NRG1: variants seen among roughly 807,000 people sequenced by gnomAD.
NRG1 encodes neuregulin 1.
NRG1 carries 18 observed loss-of-function variants against 63.8 expected under a neutral mutation model. That is an observed-to-expected ratio of 0.28 (90% CI 0.19 to 0.42). The LOEUF is 0.42. Among genes scored for constraint, NRG1 ranks in the 10% least tolerant of loss-of-function variants. The pLI is 1.00. For missense variants in NRG1, 762 were observed against 814.7 expected (o/e 0.94, Z 0.79); for synonymous variants, 302 against 301.3 (o/e 1.00, Z -0.02).
chr8:31,903,757 C>T (rs1832297349), intron 1 of NRG1, among the ~76,000 whole-genome samples: 1 of 151,954 alleles, frequency 6.6e-6, no homozygotes, highest in South Asian at 2.1e-4. Context: ...GAGTTCAAGA[C>T]CAGCCTGACC....
chr8:32,344,471 G>T (rs1400523677), intron 1 of NRG1, among the ~76,000 whole-genome samples: 1 of 145,364 alleles, frequency 6.9e-6, no homozygotes, highest in African/African-American at 2.6e-5. Flanking sequence ...CACTCTGCTC[G>T]CCCAGGCTGG....
chr8:31,830,768 GA>G (rs939398330), intron 1 of NRG1, among the ~76,000 whole-genome samples: 38 of 148,370 alleles, frequency 2.6e-4, no homozygotes, highest in Admixed American at 4.7e-4. Flanking sequence ...GTCTGTGGGG[GA>G]AAAAAAAAAG....
intron 1 of NRG1, among the ~76,000 whole-genome samples, chr8:32,344,381 T>TCTTTCTTTCTTC (rs1563338245): frequency 2.7e-4 from 24 of 90,094 alleles, no homozygotes; most frequent in Admixed American, 5.4e-4. Flanking sequence ...TTTCTTTCTT[T>TCTTTCTTTCTTC]CTCTTTCTTT....
At chr8:32,147,291 C>A (rs996931464) in intron 1 of NRG1, among the ~76,000 whole-genome samples, 1 of 152,118 alleles carries the variant, frequency 6.6e-6, no homozygotes, top group Non-Finnish European at 1.5e-5. Flanking sequence ...AGTGAAAAAC[C>A]AAATGTCTTC....
intron 9 of NRG1, among the ~76,000 whole-genome samples, chr8:32,756,935 T>C (rs1039554541): frequency 6.6e-6 from 1 of 152,180 alleles, no homozygotes; most frequent in African/African-American, 2.4e-5. Context: ...CAAAGAGCTT[T>C]AGAGTTATTT....
chr8:32,646,103 G>T (rs1011372411), intron 5 of NRG1, among the ~76,000 whole-genome samples: 1 of 152,254 alleles, frequency 6.6e-6, no homozygotes, highest in Non-Finnish European at 1.5e-5. Flanking sequence ...AGCTTTGCTC[G>T]CATCATAACT....
At chr8:32,502,291 C>T (rs578204016) in intron 1 of NRG1, among the ~76,000 whole-genome samples, 2 of 150,946 alleles carry the variant, frequency 1.3e-5, no homozygotes, top group East Asian at 2.0e-4. Flanking sequence ...TACGAGAACT[C>T]GGTCACTATC....
At chr8:32,457,657 A>G (rs1371480111) in intron 1 of NRG1, among the ~76,000 whole-genome samples, 2 of 152,202 alleles carry the variant, frequency 1.3e-5, no homozygotes, top group Admixed American at 1.3e-4. Context: ...TTACATGACA[A>G]TTGGCCCAAA....
intron 1 of NRG1, among the ~76,000 whole-genome samples, chr8:32,027,460 CCT>C (rs773398125): frequency 0.064 from 7,643 of 119,914 alleles, 525 homozygotes; most frequent in Non-Finnish European, 0.094. Context: ...TTCCTTCCTT[CCT>C]TCCTTCCCTC....
intron 5 of NRG1, among the ~76,000 whole-genome samples, chr8:32,706,436 A>T (rs2128972192): frequency 6.6e-6 from 1 of 152,316 alleles, no homozygotes; most frequent in Non-Finnish European, 1.5e-5. Flanking sequence ...TAAGCTACAG[A>T]CCAAGTCAAA....
intron 1 of NRG1, among the ~76,000 whole-genome samples, chr8:31,790,424 T>C (rs754058697): frequency 1.6e-4 from 24 of 152,180 alleles, no homozygotes; most frequent in Non-Finnish European, 3.1e-4. Context: ...ACAACTTATT[T>C]ATAATAATAA....
At chr8:31,953,733 C>T (rs1803870787) in intron 1 of NRG1, among the ~76,000 whole-genome samples, 1 of 152,162 alleles carries the variant, frequency 6.6e-6, no homozygotes, top group Non-Finnish European at 1.5e-5. Context: ...CCTTCTCAGT[C>T]ATTTCAACAT....
chr8:32,309,380 T>C (rs551082600), intron 1 of NRG1, among the ~76,000 whole-genome samples: 1 of 152,338 alleles, frequency 6.6e-6, no homozygotes, highest in South Asian at 2.1e-4. Context: ...AGATTTTCTT[T>C]TTGCTGTCAT....
intron 1 of NRG1, among the ~76,000 whole-genome samples, chr8:32,109,937 C>G (rs905521156): frequency 6.6e-6 from 1 of 152,122 alleles, no homozygotes; most frequent in East Asian, 1.9e-4. Context: ...CTTTAACTTT[C>G]TAGTTATGGC....
intron 5 of NRG1, among the ~76,000 whole-genome samples, chr8:32,679,015 TG>T (rs1807924186): frequency 6.6e-6 from 1 of 151,828 alleles, no homozygotes; most frequent in Non-Finnish European, 1.5e-5. Flanking sequence ...GTAGCCTGAC[TG>T]GGTGCTGTGC....
Position 32,074,542 on chromosome 8 carries a change from A to C in NRG1, c.37+435111A>C, listed in dbSNP as rs1277836273. 3.3e-5 allele frequency among the ~76,000 whole-genome samples: 5 copies of C among 152,240 alleles called. No individual in the cohort carries two copies. The East Asian group carries it at 5.8e-4, about 18-fold the overall frequency. ...TGGAACTGTGTTCTTGAAAGCCTCTACGTCTTTATCTTGTTCCTCAAGATT... is the reference window on the plus strand; with the variant it reads ...TGGAACTGTGTTCTTGAAAGCCTCTCCGTCTTTATCTTGTTCCTCAAGATT... On this transcript the variant is annotated intron_variant, in intron 1 of 10. Transcript: ENST00000519301.
At chr8:32,691,616 T>C (rs762207898) in intron 5 of NRG1, among the ~76,000 whole-genome samples, 3 of 152,332 alleles carry the variant, frequency 2.0e-5, no homozygotes, top group Non-Finnish European at 4.4e-5. Flanking sequence ...TTGTGACACA[T>C]TGAGCAATTT....
At chr8:32,676,403 C>T (rs1486961122) in intron 5 of NRG1, among the ~76,000 whole-genome samples, 1 of 152,136 alleles carries the variant, frequency 6.6e-6, no homozygotes, top group Admixed American at 6.5e-5. Flanking sequence ...AGATCTATTG[C>T]CACTTGGGTT....
intron 1 of NRG1, among the ~76,000 whole-genome samples, chr8:32,492,581 A>G (rs1357299834): frequency 6.6e-6 from 1 of 152,160 alleles, no homozygotes; most frequent in Non-Finnish European, 1.5e-5. Context: ...GTAACTTAGA[A>G]TGGATCCTTT....
Sources: gnomAD v4.1 joint callset for allele counts (sites outside exome capture counted in the v4.1 genomes callset) on GRCh38, gnomAD v4.1.1 for gene constraint, MANE v1.5 for transcripts, NCBI Gene and HGNC (gene_info 2026-07-23, HGNC 2026-07-21) for gene names.